Variants in DTNB observed in about 807,000 individuals in gnomAD.
DTNB encodes the protein dystrobrevin beta.
DTNB carries 63 observed loss-of-function variants against 90.7 expected under a neutral mutation model. The ratio of observed to expected loss-of-function variants is 0.69; its 90% CI spans 0.57 to 0.86. The LOEUF (loss-of-function observed/expected upper bound fraction) is 0.86, where lower values mean the gene tolerates loss of function less well. Ranked by LOEUF, DTNB falls within the 40% of genes least tolerant of loss-of-function variation. The pLI is 0.00. For synonymous variants in DTNB, 277 were observed against 286.7 expected, an observed-to-expected ratio of 0.97 and a Z score of 0.34; for missense variants, 744 against 807.1, an observed-to-expected ratio of 0.92 and a Z score of 0.95.
At chr2:25,550,305 G>A (rs1192465446) in intron 8 of DTNB, among the ~76,000 whole-genome samples, 1 of 152,052 alleles carries the variant, frequency 6.6e-6, no homozygotes, top group Admixed American at 6.5e-5. Context: ...GCAAGAGAAT[G>A]GCGTGAACCC....
chr2:25,645,857 G>A (rs2148887774), intron 2 of DTNB, among the ~76,000 whole-genome samples: 1 of 152,182 alleles, frequency 6.6e-6, no homozygotes, highest in South Asian at 2.1e-4. Flanking sequence ...TATTTTAATT[G>A]ATGTTAATAT....
chr2:25,440,958 C>T (rs934846024), intron 12 of DTNB, among the ~76,000 whole-genome samples: 4 of 152,176 alleles, frequency 2.6e-5, no homozygotes, highest in African/African-American at 9.7e-5. Context: ...CACCTACAGG[C>T]CTACCTTTCC....
At chr2:25,631,245 A>G (rs1164707394) in intron 3 of DTNB, among the ~76,000 whole-genome samples, 1 of 152,214 alleles carries the variant, frequency 6.6e-6, no homozygotes. Context: ...GGGACAAAAC[A>G]TATTGTTAAA....
intron 8 of DTNB, among the ~76,000 whole-genome samples, chr2:25,543,855 G>T (rs2081887489): frequency 6.6e-6 from 1 of 152,096 alleles, no homozygotes; most frequent in South Asian, 2.1e-4. Context: ...CATTTATTGA[G>T]AACTTACTGT....
At chr2:25,388,804 A>G (rs867362244) in intron 16 of DTNB, among the ~76,000 whole-genome samples, 1 of 87,058 alleles carries the variant, frequency 1.1e-5, no homozygotes, top group Middle Eastern at 5.6e-3. Flanking sequence ...GAAAGGACAT[A>G]CGTGTGTGTG....
intron 19 of DTNB, among the ~76,000 whole-genome samples, chr2:25,383,528 T>C (rs961778579): frequency 6.6e-6 from 1 of 152,206 alleles, no homozygotes; most frequent in African/African-American, 2.4e-5. Context: ...CTGGTCTTGC[T>C]TTATTAACTA....
At chr2:25,396,394 C>G (rs1241625344) in intron 16 of DTNB, among the ~76,000 whole-genome samples, 1 of 151,998 alleles carries the variant, frequency 6.6e-6, no homozygotes, top group South Asian at 2.1e-4. Context: ...GTCTGTAATA[C>G]CAGCTACTTG....
In DTNB at chr2:25,531,617, A is replaced by G; in HGVS notation, c.877-20T>C. On this transcript the variant is annotated intron_variant, in intron 8 of 20. Transcript: ENST00000406818. The stretch of plus-strand genomic sequence containing the variant: ...AGATTTCTGTGTCAAAGCAGAAAAT[A>G]GTAAGGAATTAACCCTTCAAAAGAA... The G allele has an allele frequency of 6.2e-7, 1 of 1,612,394 alleles. No individual in the cohort carries two copies. The highest frequency in any genetic ancestry group is 8.5e-7 in the Non-Finnish European group (1 of 1,179,466).
At chr2:25,512,074 C>T (rs1381036967) in intron 9 of DTNB, among the ~76,000 whole-genome samples, 1 of 152,152 alleles carries the variant, frequency 6.6e-6, no homozygotes, top group Non-Finnish European at 1.5e-5. Flanking sequence ...ATTCCATTAA[C>T]ATGATCCAAA....
chr2:25,532,245 CAAAAAAAAAAA>C (rs11352371), intron 8 of DTNB, among the ~76,000 whole-genome samples: 3 of 74,304 alleles, frequency 4.0e-5, no homozygotes, highest in Admixed American at 1.4e-4. Flanking sequence ...AACTCTGTCT[CAAAAAAAAAAA>C]AAAAAAAAAA....
rs377041078 is a variant in DTNB, at chr2:25,576,878, G to C, written c.836C>G (p.Pro279Arg). The change falls in exon 8 of 21, where the codon CCT becomes CGT. Residue 279 changes from proline (P) to arginine (R), a missense_variant. Pro to Arg is a moderately radical substitution (Grantham distance 103). Transcript: ENST00000406818. The stretch of plus-strand genomic sequence containing the variant: ...CTTCATCTGGTGCTGGTTGCTGTGA[G>C]GGCCGCCGGCATGGCCACGCCAAAA... ...NCFWRGHAGG[P>R]HSNQHQMKEH... The C allele has an allele frequency of 7.0e-5, 113 of 1,613,090 alleles. No individual in the cohort carries two copies. The highest frequency in any genetic ancestry group is 9.0e-5 in the Non-Finnish European group (106 of 1,179,586).
chr2:25,487,177 G>A (rs545474584), intron 9 of DTNB, among the ~76,000 whole-genome samples: 1 of 152,160 alleles, frequency 6.6e-6, no homozygotes, highest in Non-Finnish European at 1.5e-5. Context: ...TATATAGATG[G>A]AGACAAACAT....
At chr2:25,409,227 TTTCATTCATTCA>T (rs142975608) in intron 16 of DTNB, among the ~76,000 whole-genome samples, 1 of 152,248 alleles carries the variant, frequency 6.6e-6, no homozygotes, top group Middle Eastern at 3.4e-3. Flanking sequence ...CCCAACTGGA[TTTCATTCATTCA>T]TTCATTCATT....
At chr2:25,612,703 A>AGACACAAATTACCAATATTAAGAG (rs2068964763) in intron 4 of DTNB, among the ~76,000 whole-genome samples, 1 of 152,150 alleles carries the variant, frequency 6.6e-6, no homozygotes, top group Non-Finnish European at 1.5e-5. Context: ...AAAAAAAAGA[A>AGACACAAATTACCAATATTAAGAG]GACACAAATT....
rs200383554 is a variant in DTNB at position 25,388,233 on chromosome 2, G to C, written c.1704C>G (p.Val568=). The change falls in exon 17 of 21, where the codon GTC becomes GTG. Residue 568 remains valine (V), a synonymous_variant. Transcript: ENST00000406818. ...THCPQDSLSG[V]GGDVQEAFAQ... The stretch of plus-strand genomic sequence containing the variant: ...CGAAGGCCTCCTGCACGTCTCCCCC[G>C]ACTCCGCTCAGCGAGTCCTGCGGAC... The C allele has an allele frequency of 6.3e-7, 1 of 1,596,368 alleles. No individual in the cohort carries two copies. Among genetic ancestry groups the C allele is most frequent in the African/African-American group, 1.3e-5 (1 of 74,678 alleles).
intron 10 of DTNB, chr2:25,481,701 C>T (rs1297132574): frequency 3.9e-5 from 6 of 152,198 alleles, no homozygotes; most frequent in African/African-American, 1.2e-4. Flanking sequence ...ACACTTTACT[C>T]GTTAGCTTCC....
intron 2 of DTNB, among the ~76,000 whole-genome samples, chr2:25,648,993 C>CTTTTTTTTTTTTTTT (rs60749102): frequency 1.1e-5 from 1 of 94,032 alleles, no homozygotes; most frequent in African/African-American, 4.3e-5. Context: ...TCCTTCCTAC[C>CTTTTTTTTTTTTTTT]TTTTTTTTTT....
chr2:25,475,039 T>A (rs1031903784), intron 10 of DTNB, among the ~76,000 whole-genome samples: 1 of 152,168 alleles, frequency 6.6e-6, no homozygotes, highest in African/African-American at 2.4e-5. Context: ...AATATTGAAA[T>A]TAGGCCAGTT....
At chr2:25,635,359 G>A (rs1047450291) in intron 3 of DTNB, among the ~76,000 whole-genome samples, 4 of 152,216 alleles carry the variant, frequency 2.6e-5, no homozygotes, top group Non-Finnish European at 4.4e-5. Flanking sequence ...CCTAGGAGGC[G>A]GAGGTTGCAG....
Sources: allele counts gnomAD v4.1 joint callset (sites outside exome capture counted in the v4.1 genomes callset), GRCh38; gene constraint gnomAD v4.1.1; transcripts MANE v1.5; gene names NCBI Gene and HGNC (gene_info 2026-07-23, HGNC 2026-07-21).